NTRK3: variants seen among roughly 807,000 people sequenced by gnomAD.
NTRK3 encodes the protein neurotrophic receptor tyrosine kinase 3.
A neutral mutation model predicts 91.7 loss-of-function variants in NTRK3; 24 were observed. That is an observed-to-expected ratio of 0.26 (90% CI 0.19 to 0.37). NTRK3 has a LOEUF of 0.37. Among genes scored for constraint, NTRK3 ranks in the 10% least tolerant of loss-of-function variants. The pLI is 1.00. For missense variants in NTRK3, 880 were observed against 1,068.9 expected (o/e 0.82, Z 2.46); for synonymous variants, 483 against 404.0 (o/e 1.20, Z -2.34).
intron 13 of NTRK3, among the ~76,000 whole-genome samples, chr15:88,063,497 G>T (rs2046389690): frequency 6.6e-6 from 1 of 152,178 alleles, no homozygotes; most frequent in African/African-American, 2.4e-5. Flanking sequence ...TTCCCCACTG[G>T]GTGTCTCTCT....
chr15:88,230,028 G>A (rs2051038068), intron 3 of NTRK3, among the ~76,000 whole-genome samples: 1 of 152,210 alleles, frequency 6.6e-6, no homozygotes, highest in Admixed American at 6.5e-5. Flanking sequence ...AACTTGTAGG[G>A]GTGTGAGCGT....
chr15:87,910,023 G>C (rs2066994451), intron 17 of NTRK3, among the ~76,000 whole-genome samples: 1 of 152,222 alleles, frequency 6.6e-6, no homozygotes, highest in Admixed American at 6.5e-5. Flanking sequence ...TGCAAAGGTG[G>C]AAATAAGCAA....
At chr15:87,912,705 C>A (rs2067160700) in intron 17 of NTRK3, among the ~76,000 whole-genome samples, 1 of 151,850 alleles carries the variant, frequency 6.6e-6, no homozygotes, top group Admixed American at 6.6e-5. Context: ...AACTTCATTT[C>A]TAGTCAGGAT....
rs79891200 is a variant in NTRK3 at position 88,225,757 on chromosome 15, A to T, written c.248+30149T>A. ...ACCAGATCCAAAACCCTCTCCAGAA[A>T]CTCAGGGAGCCGACAGCCCCGTACA... On this transcript the variant is annotated intron_variant, in intron 3 of 18. Transcript: ENST00000394480. Among the ~76,000 whole-genome samples the T allele has an allele frequency of 4.2e-3, 641 of 152,190 alleles. 5 individuals carry two copies. Among genetic ancestry groups the T allele is most frequent in the Non-Finnish European group, 7.7e-3 (524 of 67,980 alleles).
At chr15:88,106,700 G>T (rs1194800101) in intron 13 of NTRK3, among the ~76,000 whole-genome samples, 1 of 151,192 alleles carries the variant, frequency 6.6e-6, no homozygotes, top group Non-Finnish European at 1.5e-5. Flanking sequence ...GGGAGGCCAA[G>T]GGGGAACGGA....
chr15:87,933,284 C>A, intron 15 of NTRK3, 100 bp from the exon 16 acceptor site: 1 of 1,115,784 alleles, frequency 9.0e-7, no homozygotes, highest in Non-Finnish European at 1.3e-6. Flanking sequence ...ACTGGGTTAC[C>A]AATAAATATG....
intron 14 of NTRK3, among the ~76,000 whole-genome samples, chr15:88,000,341 G>T (rs1488520416): frequency 6.6e-6 from 1 of 152,210 alleles, no homozygotes; most frequent in Non-Finnish European, 1.5e-5. Flanking sequence ...GCAAGGTCAG[G>T]TGCAAGAATC....
intron 6 of NTRK3, chr15:88,144,174 T>C (rs1398318646): frequency 6.6e-6 from 1 of 152,174 alleles, no homozygotes; most frequent in Non-Finnish European, 1.5e-5. Context: ...AAAAAAATAA[T>C]CTTGCCATAA....
chr15:88,076,113 G>C lies in NTRK3; in HGVS notation c.1397-43068C>G, dbSNP rs1295654162. Among the ~76,000 whole-genome samples the C allele has an allele frequency of 3.3e-5, 5 of 152,300 alleles. No homozygotes were observed. The South Asian group carries it at 8.3e-4, about 25-fold the overall frequency. ...CTGCGTAATTTATAAAGAAAAAGAG[G>C]TTTAATGGACTCATAGTTCCACTTT... On this transcript the variant is annotated intron_variant, in intron 13 of 18. Coordinates refer to ENST00000394480, the Ensembl canonical transcript of NTRK3.
chr15:88,226,861 G>A (rs2050720880), intron 3 of NTRK3, among the ~76,000 whole-genome samples: 1 of 152,246 alleles, frequency 6.6e-6, no homozygotes, highest in Admixed American at 6.5e-5. Context: ...TGAAGGAGGG[G>A]TGATAGCCCC....
chr15:87,940,122 G>A (rs1203702647), intron 15 of NTRK3, among the ~76,000 whole-genome samples: 1 of 152,146 alleles, frequency 6.6e-6, no homozygotes, highest in Admixed American at 6.6e-5. Flanking sequence ...TATTCTCCCA[G>A]TGCTAACCCC....
intron 6 of NTRK3, among the ~76,000 whole-genome samples, chr15:88,146,987 G>A (rs1243043140): frequency 6.6e-6 from 1 of 151,922 alleles, no homozygotes; most frequent in Non-Finnish European, 1.5e-5. Flanking sequence ...ATGAAAGCAT[G>A]CCTAATAGTC....
chr15:87,924,631 G>A (rs1172803678), intron 17 of NTRK3, among the ~76,000 whole-genome samples: 1 of 152,088 alleles, frequency 6.6e-6, no homozygotes, highest in Non-Finnish European at 1.5e-5. Context: ...GATAAGACTT[G>A]CTCCTGCTGC....
At chr15:87,967,011 T>A (rs891334904) in intron 14 of NTRK3, among the ~76,000 whole-genome samples, 13 of 152,216 alleles carry the variant, frequency 8.5e-5, no homozygotes, top group African/African-American at 2.7e-4. Flanking sequence ...GGGGACAAGA[T>A]CACCCCCAAT....
At chr15:88,138,125 C>T (rs768082294) in intron 6 of NTRK3, among the ~76,000 whole-genome samples, 9 of 152,112 alleles carry the variant, frequency 5.9e-5, no homozygotes, top group Non-Finnish European at 1.2e-4. Context: ...TATCAGCGGC[C>T]GGGCGTGGTG....
intron 14 of NTRK3, among the ~76,000 whole-genome samples, chr15:87,972,840 C>G (rs1357590503): frequency 6.6e-6 from 1 of 152,136 alleles, no homozygotes; most frequent in African/African-American, 2.4e-5. Context: ...CTCAGAGTTC[C>G]AAGTTCCTTC....
chr15:87,979,341 G>T, intron 14 of NTRK3: 1 of 1,600,186 alleles, frequency 6.2e-7, no homozygotes, highest in Non-Finnish European at 8.6e-7. Context: ...CTTAAAAGGA[G>T]TTTTTAAAAG....
chr15:88,024,720 T>C (rs2077879687), intron 14 of NTRK3, among the ~76,000 whole-genome samples: 1 of 152,006 alleles, frequency 6.6e-6, no homozygotes, highest in Non-Finnish European at 1.5e-5. Flanking sequence ...AAGTGACATG[T>C]AGGGAAAGAG....
intron 17 of NTRK3, among the ~76,000 whole-genome samples, chr15:87,896,172 T>C (rs2066111031): frequency 6.6e-6 from 1 of 152,062 alleles, no homozygotes; most frequent in African/African-American, 2.4e-5. Flanking sequence ...TCAGAATAAA[T>C]CTCTTAAAAT....
Sources: gnomAD v4.1 joint callset for allele counts (sites outside exome capture counted in the v4.1 genomes callset) on GRCh38, gnomAD v4.1.1 for gene constraint, MANE v1.5 for transcripts, NCBI Gene and HGNC (gene_info 2026-07-23, HGNC 2026-07-21) for gene names.